Variants in TRDMT1 observed in about 807,000 individuals in gnomAD.
TRDMT1 encodes tRNA aspartic acid methyltransferase 1, also known as tRNA (cytosine(38)-C(5))-methyltransferase.
Under a neutral mutation model 51.2 loss-of-function variants are expected in TRDMT1, and 49 were observed. The observed-to-expected ratio is 0.96, with a 90% CI of 0.76 to 1.21. TRDMT1 has a LOEUF of 1.21. Among genes scored for constraint, TRDMT1 ranks in the 50% most tolerant of loss-of-function variants. The pLI is 0.00. For synonymous variants in TRDMT1, 187 were observed against 164.6 expected, an observed-to-expected ratio of 1.14 and a Z score of -1.04; for missense variants, 534 against 462.3, an observed-to-expected ratio of 1.16 and a Z score of -1.42.
intron 1 of TRDMT1, among the ~76,000 whole-genome samples, chr10:17,191,575 T>G (rs1844686709): frequency 6.6e-6 from 1 of 152,094 alleles, no homozygotes; most frequent in Non-Finnish European, 1.5e-5. Context: ...AGGGATTTGG[T>G]AGAGCCAGGC....
rs977965172 is a variant in TRDMT1 at position 17,146,606 on chromosome 10, G to A, written c.*2434C>T. ...ATTATCTGGCAAGCCGTTTAAAAGAGCAGGGATGATGGGAAAAGGAGAACG... is the reference window on the plus strand; with the variant it reads ...ATTATCTGGCAAGCCGTTTAAAAGAACAGGGATGATGGGAAAAGGAGAACG... On this transcript the variant is annotated 3_prime_UTR_variant, in exon 11 of 11. Transcript: ENST00000377799. 2 of 985,196 alleles carry A rather than the reference G, an allele frequency of 2.0e-6. No homozygotes were observed. Among genetic ancestry groups the A allele is most frequent in the African/African-American group, 3.5e-5 (2 of 57,240 alleles). 61.0% of individuals were successfully genotyped at this position (985,196 alleles called of 1,614,324 possible).
At chr10:17,168,707 T>C (rs1280924035) in intron 3 of TRDMT1, 134 bp downstream of exon 3, 12 of 617,006 alleles carry the variant, frequency 1.9e-5, no homozygotes, top group Non-Finnish European at 2.5e-5. Flanking sequence ...GCCATGATTG[T>C]GAGGTTTCCC....
intron 1 of TRDMT1, among the ~76,000 whole-genome samples, chr10:17,195,464 G>A (rs1315847515): frequency 6.6e-6 from 1 of 152,056 alleles, no homozygotes; most frequent in African/African-American, 2.4e-5. Flanking sequence ...AGAGAGAAGG[G>A]GGGCAGCAAA....
chr10:17,187,148 A>C (rs1588658389), intron 1 of TRDMT1, among the ~76,000 whole-genome samples: 1 of 152,346 alleles, frequency 6.6e-6, no homozygotes, highest in Non-Finnish European at 1.5e-5. Context: ...CTCACCATAC[A>C]ACACAGTAAG....
intron 3 of TRDMT1, among the ~76,000 whole-genome samples, 180 bp from the exon 4 acceptor site, chr10:17,162,417 A>C (rs1334635925): frequency 6.6e-6 from 1 of 152,160 alleles, no homozygotes; most frequent in Non-Finnish European, 1.5e-5. Flanking sequence ...ATTTATAAAG[A>C]AAAAAGGGGT....
chr10:17,163,697 C>T (rs918705250), intron 3 of TRDMT1, among the ~76,000 whole-genome samples: 3 of 151,970 alleles, frequency 2.0e-5, no homozygotes, highest in African/African-American at 7.2e-5. Flanking sequence ...CACCACCGAC[C>T]CCACAGAAAT....
chr10:17,186,049 T>TAATTAATAAATA (rs368587700), intron 1 of TRDMT1, among the ~76,000 whole-genome samples: 5 of 143,026 alleles, frequency 3.5e-5, no homozygotes, highest in South Asian at 2.3e-4. Context: ...ACTTACAGTA[T>TAATTAATAAATA]AATAAATAAA....
At chr10:17,178,074 A>C (rs1842834169) in intron 1 of TRDMT1, among the ~76,000 whole-genome samples, 1 of 152,236 alleles carries the variant, frequency 6.6e-6, no homozygotes, top group South Asian at 2.1e-4. Flanking sequence ...GAAATAAGGA[A>C]AGAAATTTTT....
At position 17,144,597 on chromosome 10, in the gene TRDMT1, G is replaced by C; in HGVS notation, c.*4443C>G. 2 of 985,484 alleles carry C rather than the reference G, an allele frequency of 2.0e-6. No individual in the cohort carries two copies. Among genetic ancestry groups the C allele is most frequent in the Non-Finnish European group, 2.4e-6 (2 of 829,920 alleles). The allele number at this position is 985,484 out of a possible 1,614,324, so 61.0% of individuals were successfully genotyped here. ...ATAAAGCCAATGTATATGAGAACTT[G>C]GGGAATACAAAGCCAAAACAGCTCA... is the stretch of plus-strand genomic sequence containing the variant. On this transcript the variant is annotated 3_prime_UTR_variant, in exon 11 of 11. Coordinates refer to ENST00000377799, the MANE Select transcript of TRDMT1 (RefSeq NM_004412.7).
chr10:17,195,008 A>G (rs577516510), intron 1 of TRDMT1, among the ~76,000 whole-genome samples: 11 of 151,728 alleles, frequency 7.2e-5, no homozygotes, highest in Admixed American at 2.6e-4. Context: ...ACCCTTATGC[A>G]CTGTTGATGG....
At chr10:17,172,622 GT>G (rs1842170794) in intron 2 of TRDMT1, among the ~76,000 whole-genome samples, 1 of 152,076 alleles carries the variant, frequency 6.6e-6, no homozygotes, top group Non-Finnish European at 1.5e-5. Context: ...ACTAAAGAAG[GT>G]TTTTCAGGAA....
intron 10 of TRDMT1, chr10:17,150,655 T>C (rs1483969708): frequency 3.0e-6 from 3 of 984,980 alleles, no homozygotes. Context: ...ATTAGGAGCA[T>C]TAAGAATAGC....
chr10:17,199,797 A>C (rs1845917338), intron 1 of TRDMT1, among the ~76,000 whole-genome samples: 2 of 152,228 alleles, frequency 1.3e-5, no homozygotes, highest in African/African-American at 4.8e-5. Context: ...TATGTTAATA[A>C]TTTAAATTAC....
chr10:17,178,704 C>T (rs1288580241), intron 1 of TRDMT1, among the ~76,000 whole-genome samples: 1 of 150,410 alleles, frequency 6.6e-6, no homozygotes, highest in Admixed American at 6.6e-5. Flanking sequence ...AAAGTTCTTG[C>T]ATTTTAAAAA....
intron 1 of TRDMT1, among the ~76,000 whole-genome samples, chr10:17,188,353 T>C (rs909113411): frequency 6.6e-5 from 10 of 152,222 alleles, no homozygotes; most frequent in Non-Finnish European, 8.8e-5. Flanking sequence ...TTACCAACCC[T>C]GTCAAGTGTT....
intron 1 of TRDMT1, among the ~76,000 whole-genome samples, chr10:17,183,762 A>C (rs1252786149): frequency 6.6e-6 from 1 of 152,042 alleles, no homozygotes; most frequent in Non-Finnish European, 1.5e-5. Context: ...CAAAAAAATG[A>C]CTCTTATTTT....
At position 17,148,884 on chromosome 10, in the gene TRDMT1, C is replaced by A; in HGVS notation, c.*156G>T. On this transcript the variant is annotated 3_prime_UTR_variant, in exon 11 of 11. Transcript: ENST00000377799. Reference sequence around the variant, plus strand: ...ATACAGTAATATAAATTTGATGAAACACATGGATTTTTTTAATAAAATCCA... The same window carrying A: ...ATACAGTAATATAAATTTGATGAAAAACATGGATTTTTTTAATAAAATCCA... The A allele has an allele frequency of 8.0e-7, 1 of 1,254,474 alleles. No individual in the cohort carries two copies. The highest frequency in any genetic ancestry group is 1.0e-6 in the Non-Finnish European group (1 of 976,246). The allele number at this position is 1,254,474 out of a possible 1,614,324, so 77.7% of individuals were successfully genotyped here. A position where few individuals can be genotyped will look rare whatever the true frequency, so the allele number is the denominator to read the frequency against.
At chr10:17,151,905 G>A in intron 10 of TRDMT1, 5 of 1,100,518 alleles carry the variant, frequency 4.5e-6, no homozygotes, top group Non-Finnish European at 5.6e-6. Context: ...CTAAAGAAGG[G>A]AACGGTTAAG....
intron 3 of TRDMT1, among the ~76,000 whole-genome samples, chr10:17,163,402 G>A (rs532450360): frequency 6.6e-6 from 1 of 152,048 alleles, no homozygotes; most frequent in Non-Finnish European, 1.5e-5. Flanking sequence ...AGCACTAAAA[G>A]CCCACAAGAG....
Sources: allele counts gnomAD v4.1 joint callset (sites outside exome capture counted in the v4.1 genomes callset), GRCh38; gene constraint gnomAD v4.1.1; transcripts MANE v1.5; gene names NCBI Gene and HGNC (gene_info 2026-07-23, HGNC 2026-07-21).